TUBB8B: variants seen among roughly 807,000 people sequenced by gnomAD.
The protein encoded by TUBB8B is tubulin beta 8B.
In TUBB8B, 26 loss-of-function variants were observed where a neutral mutation model predicts 31.9. That is an observed-to-expected ratio of 0.81 (90% confidence interval 0.60 to 1.13). TUBB8B has a LOEUF of 1.13. Ranked by LOEUF, TUBB8B falls within the 50% of genes most tolerant of loss-of-function variation. The pLI, the probability that TUBB8B is intolerant of heterozygous loss-of-function variation, is 0.00. For missense variants in TUBB8B, 467 were observed against 586.7 expected, an observed-to-expected ratio of 0.80 and a Z score of 2.11; for synonymous variants, 173 against 231.0, an observed-to-expected ratio of 0.75 and a Z score of 2.28.
chr18:71,222 C>A, the TUBB8B span, among the ~76,000 whole-genome samples: 3 of 138,950 alleles, frequency 2.2e-5, no homozygotes, highest in Non-Finnish European at 3.1e-5. Context: ...CAGAGCAAGA[C>A]CTTCTCTCTT....
upstream of TUBB8B, chr18:50,060 C>A (rs867407381): frequency 2.7e-6 from 1 of 368,966 alleles, no homozygotes; most frequent in Non-Finnish European, 5.3e-6. Flanking sequence ...GCAGTTCAAA[C>A]CCGCAGTAAG....
rs781378322 is a variant in TUBB8B at position 47,779 on chromosome 18, T to C, written c.946A>G (p.Ile316Val). ...CTCATGGGCATGCGACCCCTGAAAA[T>C]GGCAGCCACCGTTAGGTAGCAGCCG... ...RHGCYLTVAAIFRGRMPMREV... is the reference protein window; with the variant it reads ...RHGCYLTVAAVFRGRMPMREV... The change falls in exon 4 of 4, where the codon ATT (isoleucine) becomes GTT (valine). Residue 316 changes from isoleucine (I) to valine (V), a missense_variant. Physicochemically the swap from Ile to Val is conservative, Grantham distance 29. This residue lies in a region of TUBB8B where 208 missense variants were observed against 206.7 expected (regional missense o/e 1.01). Transcript: ENST00000308911. 5.0e-6 allele frequency: 8 copies of C among 1,611,584 alleles called. 1 individual carries two copies. Among genetic ancestry groups the C allele is most frequent in the South Asian group, 3.3e-5 (3 of 91,002 alleles).
At chr18:72,987 A>G in the TUBB8B span, among the ~76,000 whole-genome samples, 139 of 152,226 alleles carry the variant, frequency 9.1e-4, 1 homozygote, top group African/African-American at 3.3e-3. Context: ...AACAAAACAA[A>G]AAATGAGCAC....
At chr18:68,764 T>C in the TUBB8B span, among the ~76,000 whole-genome samples, 1 of 152,154 alleles carries the variant, frequency 6.6e-6, no homozygotes, top group African/African-American at 2.4e-5. Context: ...GGACTGACCA[T>C]GACCTCCACA....
At chr18:50,470 T>C (rs1476461207), upstream of TUBB8B, 1 of 153,086 alleles carries the variant, frequency 6.5e-6, no homozygotes, top group African/African-American at 2.4e-5. Flanking sequence ...AAGGAGAAAA[T>C]TGCTGGCCGT....
At chr18:56,219 A>C in the TUBB8B span, among the ~76,000 whole-genome samples, 1 of 151,790 alleles carries the variant, frequency 6.6e-6, no homozygotes, top group Non-Finnish European at 1.5e-5. Flanking sequence ...ATGCTGTTTT[A>C]ATTACTATAG....
the TUBB8B span, among the ~76,000 whole-genome samples, chr18:63,264 C>T: frequency 6.6e-6 from 1 of 151,648 alleles, no homozygotes; most frequent in African/African-American, 2.4e-5. Flanking sequence ...TTCTTTGTGC[C>T]CATTATTTTT....
upstream of TUBB8B, among the ~76,000 whole-genome samples, chr18:54,389 C>A (rs1410778631): frequency 1.3e-5 from 2 of 151,754 alleles, no homozygotes; most frequent in Admixed American, 1.3e-4. Context: ...TATAAACAAT[C>A]CAATTATACT....
the TUBB8B span, among the ~76,000 whole-genome samples, chr18:72,196 A>AAAAAAAAAAAAAAAAAAAC: frequency 0.012 from 1,036 of 84,086 alleles, 115 homozygotes; most frequent in East Asian, 0.037. Context: ...AAAAAAAAAA[A>AAAAAAAAAAAAAAAAAAAC]AAAGGAAAAA....
chr18:60,403 A>G, the TUBB8B span, among the ~76,000 whole-genome samples: 4 of 151,482 alleles, frequency 2.6e-5, no homozygotes, highest in Non-Finnish European at 5.9e-5. Context: ...TAATTGTTTT[A>G]CTTTTCAAAA....
chr18:63,549 T>A, the TUBB8B span, among the ~76,000 whole-genome samples: 1 of 151,574 alleles, frequency 6.6e-6, no homozygotes, highest in Admixed American at 6.6e-5. Flanking sequence ...GAAGTAGGCA[T>A]AGAACTTGGT....
chr18:72,196 A>AAAAAAAAAAACAAC, the TUBB8B span, among the ~76,000 whole-genome samples: 5 of 84,526 alleles, frequency 5.9e-5, no homozygotes, highest in African/African-American at 2.0e-4. Context: ...AAAAAAAAAA[A>AAAAAAAAAAACAAC]AAAGGAAAAA....
the TUBB8B span, among the ~76,000 whole-genome samples, chr18:72,196 A>AAAAAAAAAAAAAAAAAACAAAC: frequency 2.4e-5 from 2 of 84,536 alleles, no homozygotes; most frequent in African/African-American, 7.8e-5. Flanking sequence ...AAAAAAAAAA[A>AAAAAAAAAAAAAAAAAACAAAC]AAAGGAAAAA....
At chr18:69,232 C>A in the TUBB8B span, among the ~76,000 whole-genome samples, 2 of 152,214 alleles carry the variant, frequency 1.3e-5, no homozygotes, top group Non-Finnish European at 2.9e-5. Flanking sequence ...GTGGCTCATG[C>A]CTGTAATCCC....
Position 48,350 on chromosome 18 carries a change from C to T in TUBB8B, c.375G>A (p.Glu125=), listed in dbSNP as rs1473269436. ...SVMDVVRKEA[E]SCDCLQGFQL... is the part of the protein sequence containing the mutation. ...GGAAACCCTGCAGGCAGTCACAGCT[C>T]TCAGCCTCCTTTCTGACAACGTCCA... Residue 125 remains glutamate, a synonymous_variant, in exon 4 of 4, where the codon GAG becomes GAA. Transcript: ENST00000308911. 1 of 1,610,962 alleles carries T rather than the reference C, an allele frequency of 6.2e-7. No individual in the cohort carries two copies. The highest frequency in any genetic ancestry group is 1.3e-5 in the African/African-American group (1 of 74,908).
the TUBB8B span, among the ~76,000 whole-genome samples, chr18:62,134 T>TC: frequency 1.4e-3 from 216 of 151,834 alleles, 1 homozygote; most frequent in African/African-American, 5.1e-3. Flanking sequence ...TCTTTTTTTT[T>TC]CCTTCAGCTT....
chr18:70,233 C>T, the TUBB8B span, among the ~76,000 whole-genome samples: 186 of 152,246 alleles, frequency 1.2e-3, 1 homozygote, highest in Non-Finnish European at 2.4e-3. Context: ...GGGTGATTTC[C>T]TAGTAAAAAT....
At chr18:66,144 A>G in the TUBB8B span, among the ~76,000 whole-genome samples, 28,764 of 151,680 alleles carry the variant, frequency 0.19, 3,161 homozygotes, top group African/African-American at 0.3. Context: ...AGAGAGGATT[A>G]ATTGAGCCCA....
At chr18:69,679 TA>T in the TUBB8B span, among the ~76,000 whole-genome samples, 4 of 152,244 alleles carry the variant, frequency 2.6e-5, no homozygotes, top group Admixed American at 6.5e-5. Flanking sequence ...GGAATTATTT[TA>T]AAATAATTAA....
Sources: gnomAD v4.1 joint callset for allele counts (sites outside exome capture counted in the v4.1 genomes callset) on GRCh38, gnomAD v4.1.1 for gene constraint, gnomAD v4.1.1 regional missense constraint, MANE v1.5 for transcripts, NCBI Gene and HGNC (gene_info 2026-07-23, HGNC 2026-07-21) for gene names.